CASP10: variants seen among roughly 807,000 people sequenced by gnomAD.
The protein encoded by CASP10 is caspase-10.
Under a neutral mutation model 48.5 loss-of-function variants are expected in CASP10, and 41 were observed. That is an observed-to-expected ratio of 0.85 (90% CI 0.66 to 1.10). The LOEUF is 1.10. Ranked by LOEUF, CASP10 falls within the 50% of genes least tolerant of loss-of-function variation. The pLI is 0.00. For missense variants in CASP10, 614 were observed against 614.5 expected (o/e 1.00, Z 0.01); for synonymous variants, 232 against 238.4 (o/e 0.97, Z 0.25).
chr2:201,225,779 C>G (rs1945780451), downstream of CASP10, among the ~76,000 whole-genome samples: 2 of 152,292 alleles, frequency 1.3e-5, no homozygotes, highest in Admixed American at 1.3e-4. Flanking sequence ...CAAGACCAGC[C>G]TGGCCAACTT....
At chr2:201,216,674 A>T (rs566136463) in intron 9 of CASP10, among the ~76,000 whole-genome samples, 1 of 152,270 alleles carries the variant, frequency 6.6e-6, no homozygotes, top group African/African-American at 2.4e-5. Flanking sequence ...TGCTTGACCC[A>T]ATATACATCC....
downstream of CASP10, among the ~76,000 whole-genome samples, chr2:201,222,691 T>C (rs1263524781): frequency 6.6e-6 from 1 of 152,222 alleles, no homozygotes; most frequent in Non-Finnish European, 1.5e-5. Flanking sequence ...TTGGATATCA[T>C]GGGGCTTACC....
chr2:201,199,711 A>T (rs1396200192), intron 5 of CASP10, among the ~76,000 whole-genome samples: 1 of 151,406 alleles, frequency 6.6e-6, no homozygotes, highest in African/African-American at 2.4e-5. Context: ...AGTATCTGAG[A>T]TTACAGGCAT....
chr2:201,209,461 T>C lies in CASP10; in HGVS notation c.1314T>C (p.Leu438=). The change falls in exon 9 of 10, where the codon CTT becomes CTC. Residue 438 remains leucine, a synonymous_variant. Transcript: ENST00000286186. ...DSIPAEADFL[L]GLATVPGYVS... The stretch of plus-strand genomic sequence containing the variant: ...TTCCTGCCGAGGCTGACTTCCTACT[T>C]GGTCTGGCCACTGTCCCAGGCTATG... The C allele has an allele frequency of 6.2e-7, 1 of 1,614,000 alleles. No homozygotes were observed.
At chr2:201,202,435 C>T (rs6747228) in intron 5 of CASP10, among the ~76,000 whole-genome samples, 9,396 of 152,200 alleles carry the variant, frequency 0.062, 959 homozygotes, top group African/African-American at 0.21. Flanking sequence ...AGTCCCTGTT[C>T]TGGCTGACTT....
Position 201,209,063 on chromosome 2 carries a change from TA to T in CASP10, c.923-4del. 6.2e-7 allele frequency: 1 copy of T among 1,605,448 alleles called. No individual in the cohort carries two copies. Among genetic ancestry groups the T allele is most frequent in the South Asian group, 1.1e-5 (1 of 90,284 alleles). On this transcript the variant is annotated splice_region_variant and splice_polypyrimidine_tract_variant and intron_variant, in intron 8 of 9. Coordinates refer to ENST00000286186, the MANE Select transcript of CASP10 (RefSeq NM_032977.4). ...TCTCTTTTTTTTTTTTTTTTGTTTT[TA>T]AACAGAGATCCTGAGTCATGTGTTC...
chr2:201,208,427 G>A (rs1559308274), intron 8 of CASP10: 26 of 959,586 alleles, frequency 2.7e-5, no homozygotes, highest in South Asian at 4.8e-5. Flanking sequence ...GGATTGGCAC[G>A]AGACAACTTG....
rs368675766 is a variant in CASP10 at position 201,205,946 on chromosome 2, C to G, written c.786C>G (p.Asn262Lys). The change falls in exon 7 of 10, where the codon AAC (asparagine) becomes AAG (lysine). Residue 262 changes from asparagine to lysine, a missense_variant. Physicochemically the swap from Asn to Lys is moderately conservative, Grantham distance 94 (BLOSUM62 0). Transcript: ENST00000286186. ...GGGGGATGCAAGGAGCATCTGCTAA[C>G]ACTCTAAACTCTGAAACCAGCACAA... ...VSRGMQGASA[N>K]TLNSETSTKR... The G allele has an allele frequency of 1.9e-5, 30 of 1,612,666 alleles. No homozygotes were observed. Among genetic ancestry groups the G allele is most frequent in the Non-Finnish European group, 2.5e-5 (30 of 1,178,840 alleles).
rs574563011 is a variant in CASP10, at chr2:201,196,086, T to C, written c.684+138T>C. On this transcript the variant is annotated intron_variant, in intron 5 of 9. Transcript: ENST00000286186. Reference sequence around the variant, plus strand: ...ATTGTAAATGGTCTCACCATGGTGATTGCAAGTAAACAACATGATATCAAC... The same window carrying C: ...ATTGTAAATGGTCTCACCATGGTGACTGCAAGTAAACAACATGATATCAAC... The C allele has an allele frequency of 4.9e-4, 324 of 655,012 alleles. 1 individual carries two copies. In the South Asian group the frequency reaches 5.4e-3, roughly 11 times the overall value. 40.6% of individuals were successfully genotyped at this position (655,012 alleles called of 1,614,324 possible).
rs538242288 is a variant in CASP10 at position 201,217,363 on chromosome 2, C to T, written c.1416-225C>T. On this transcript the variant is annotated intron_variant, in intron 9 of 9. Coordinates refer to ENST00000286186, the MANE Select transcript of CASP10 (RefSeq NM_032977.4). ...GGTGGATCACCTGAGGTCAGGGGTT[C>T]GAGACCAGCCTGGGCAAGCAATATG... Among the ~76,000 whole-genome samples the T allele has an allele frequency of 3.9e-5, 6 of 152,182 alleles. No homozygotes were observed. The South Asian group carries it at 6.2e-4, about 16-fold the overall frequency.
chr2:201,211,613 A>G (rs1945397041), intron 9 of CASP10, among the ~76,000 whole-genome samples: 1 of 152,138 alleles, frequency 6.6e-6, no homozygotes, highest in Admixed American at 6.5e-5. Context: ...CTTTATCCAT[A>G]TATCCATTTT....
At chr2:201,207,180 C>T (rs966105982) in intron 7 of CASP10, among the ~76,000 whole-genome samples, 7 of 152,098 alleles carry the variant, frequency 4.6e-5, no homozygotes, top group Non-Finnish European at 8.8e-5. Flanking sequence ...GGCTCTAGGA[C>T]TTAAAAAAGA....
rs1002246972 is a variant in CASP10 at position 201,220,802 on chromosome 2, C to T, written c.*3061C>T. 2.0e-6 allele frequency: 2 copies of T among 985,252 alleles called. No individual in the cohort carries two copies. Among genetic ancestry groups the T allele is most frequent in the Non-Finnish European group, 2.4e-6 (2 of 829,956 alleles). The allele number at this position is 985,252 out of a possible 1,614,324, so 61.0% of individuals were successfully genotyped here. A position where few individuals can be genotyped will look rare whatever the true frequency, so the allele number is the denominator to read the frequency against. ...ACAGTCAGGGCCAAAAGCTAGTGGT[C>T]ACAGTCCTTGTCCAGTTGGCAGAAC... On this transcript the variant is annotated 3_prime_UTR_variant, in exon 10 of 10. Transcript: ENST00000286186.
In CASP10 at chr2:201,219,375, T is replaced by G. The variant is rs1436470786; in HGVS notation, c.*1634T>G. The G allele has an allele frequency of 1.1e-6, 1 of 918,392 alleles. No individual in the cohort carries two copies. Among genetic ancestry groups the G allele is most frequent in the East Asian group, 1.2e-4 (1 of 8,488 alleles). 56.9% of individuals were successfully genotyped at this position (918,392 alleles called of 1,614,324 possible). A position where few individuals can be genotyped will look rare whatever the true frequency, so the allele number is the denominator to read the frequency against. ...AGGGAATTTATTGCCTCTTTCACAT[T>G]GAAACCCAGGAGTGGATAACACTGG... On this transcript the variant is annotated 3_prime_UTR_variant, in exon 10 of 10. Transcript: ENST00000286186.
At chr2:201,213,470 A>C (rs1258706322) in intron 9 of CASP10, 1 of 152,134 alleles carries the variant, frequency 6.6e-6, no homozygotes, top group Non-Finnish European at 1.5e-5. Context: ...TTAATATATT[A>C]AGTCCTATAA....
intron 5 of CASP10, among the ~76,000 whole-genome samples, chr2:201,196,905 G>T (rs572383513): frequency 6.6e-6 from 1 of 151,808 alleles, no homozygotes; most frequent in African/African-American, 2.4e-5. Flanking sequence ...GACTTTTCAG[G>T]GTACCTCATA....
intron 9 of CASP10, among the ~76,000 whole-genome samples, chr2:201,227,735 AT>A (rs1182567810): frequency 6.8e-6 from 1 of 146,080 alleles, no homozygotes; most frequent in Non-Finnish European, 1.5e-5. Flanking sequence ...TTTTTTTTGT[AT>A]TTTTAGTAGA....
At position 201,221,045 on chromosome 2, in the gene CASP10, T is replaced by A; in HGVS notation, c.*3304T>A. 1 of 985,468 alleles carries A rather than the reference T, an allele frequency of 1.0e-6. No homozygotes were observed. 61.0% of individuals were successfully genotyped at this position (985,468 alleles called of 1,614,324 possible). On this transcript the variant is annotated 3_prime_UTR_variant, in exon 10 of 10. Transcript: ENST00000286186. Reference sequence around the variant, plus strand: ...TCCTATGTGTGCATCTATTTAAATCTAACTGTGCTGAGGTGCATATAAATG... The same window carrying A: ...TCCTATGTGTGCATCTATTTAAATCAAACTGTGCTGAGGTGCATATAAATG...
At position 201,218,598 on chromosome 2, in the gene CASP10, G is replaced by C; in HGVS notation, c.*857G>C. On this transcript the variant is annotated 3_prime_UTR_variant, in exon 10 of 10. Transcript: ENST00000286186. The stretch of plus-strand genomic sequence containing the variant: ...ACTACAGGCATGAAATACTGTGCCT[G>C]GCCTGGGGACCAGGTGCATTTTAAG... The C allele has an allele frequency of 1.0e-6, 1 of 985,386 alleles. No homozygotes were observed. The highest frequency in any genetic ancestry group is 1.2e-6 in the Non-Finnish European group (1 of 829,920). 61.0% of individuals were successfully genotyped at this position (985,386 alleles called of 1,614,324 possible).
Sources: gnomAD v4.1 joint callset for allele counts (sites outside exome capture counted in the v4.1 genomes callset) on GRCh38, gnomAD v4.1.1 for gene constraint, MANE v1.5 for transcripts, NCBI Gene and HGNC (gene_info 2026-07-23, HGNC 2026-07-21) for gene names.